Variants in ADGRA2 observed in about 807,000 individuals in gnomAD.
The protein encoded by ADGRA2 is adhesion G protein-coupled receptor A2.
ADGRA2 carries 61 observed loss-of-function variants against 98.7 expected under a neutral mutation model. The observed-to-expected ratio is 0.62, with a 90% CI of 0.50 to 0.76. The LOEUF is 0.76. ADGRA2 is among the 30% of genes least tolerant of loss of function. ADGRA2 has a pLI of 0.00. For missense variants in ADGRA2, 1,712 were observed against 1,860.0 expected, an observed-to-expected ratio of 0.92 and a Z score of 1.46; for synonymous variants, 858 against 831.5, an observed-to-expected ratio of 1.03 and a Z score of -0.55.
rs369112331 is a variant in ADGRA2, at chr8:37,815,494, T to C, written c.338+527T>C. Reference sequence around the variant, plus strand: ...GGCAGTGGCAGCCTTCAGGCTGGCCTTGGCCCTGAGGCTGCCAGCCAGGTC... The same window carrying C: ...GGCAGTGGCAGCCTTCAGGCTGGCCCTGGCCCTGAGGCTGCCAGCCAGGTC... On this transcript the variant is annotated intron_variant, in intron 2 of 18. Coordinates refer to ENST00000412232, the MANE Select transcript of ADGRA2 (RefSeq NM_032777.10). 1.9e-4 allele frequency among the ~76,000 whole-genome samples: 29 copies of C among 152,320 alleles called. No individual in the cohort carries two copies. The East Asian group carries it at 4.5e-3, about 23-fold the overall frequency.
At position 37,817,775 on chromosome 8, in the gene ADGRA2, G is replaced by A. The variant is rs147821033; in HGVS notation, c.338+2808G>A. On this transcript the variant is annotated intron_variant, in intron 2 of 18. Coordinates refer to ENST00000412232, the MANE Select transcript of ADGRA2 (RefSeq NM_032777.10). ...CTCACGCCTGTAATTCCAGCACTTT[G>A]GGAGGCCATGGCTGGCGGATCACCT... 1.6e-4 allele frequency among the ~76,000 whole-genome samples: 24 copies of A among 152,304 alleles called. 2 individuals are homozygous for A. The East Asian group carries it at 4.6e-3, about 29-fold the overall frequency.
At position 37,830,106 on chromosome 8, in the gene ADGRA2, G is replaced by C; in HGVS notation, c.718+92G>C. ...CACGAGCCTCCCCTCAGACCCACAG[G>C]TTTTTACCTTTGTATTGCAATTTGC... On this transcript the variant is annotated intron_variant, in intron 6 of 18. Coordinates refer to ENST00000412232, the MANE Select transcript of ADGRA2 (RefSeq NM_032777.10). The surrounding 1 kb of genome is among the most constrained non-coding windows in gnomAD (Gnocchi z 4.8). The C allele has an allele frequency of 1.2e-6, 1 of 824,284 alleles. No individual in the cohort carries two copies. Among genetic ancestry groups the C allele is most frequent in the Non-Finnish European group, 1.8e-6 (1 of 552,350 alleles). The allele number at this position is 824,284 out of a possible 1,614,324, so 51.1% of individuals were successfully genotyped here.
Position 37,814,557 on chromosome 8 carries a change from A to C in ADGRA2, c.267-339A>C, listed in dbSNP as rs981313708. Among the ~76,000 whole-genome samples, 1 of 152,236 alleles carries C rather than the reference A, an allele frequency of 6.6e-6. No individual in the cohort carries two copies. Among genetic ancestry groups the C allele is most frequent in the African/African-American group, 2.4e-5 (1 of 41,464 alleles). On this transcript the variant is annotated intron_variant, in intron 1 of 18. Coordinates refer to ENST00000412232, the MANE Select transcript of ADGRA2 (RefSeq NM_032777.10). This position sits in a 1 kb window ranked among gnomAD's most constrained non-coding sequence, Gnocchi z 4.3. ...CAAGGATGGAACTGTGAAGGGCATC[A>C]TGAGGGGGCACTGAGGGTCAGCCCT...
At chr8:37,813,622 C>T (rs7813990) in intron 1 of ADGRA2, among the ~76,000 whole-genome samples, 33,475 of 151,992 alleles carry the variant, frequency 0.22, 3,990 homozygotes, top group Middle Eastern at 0.36. Flanking sequence ...AGGGACTGGA[C>T]GGGTGGGAGG....
At chr8:37,826,704 G>A (rs73595001) in intron 2 of ADGRA2, among the ~76,000 whole-genome samples, 5,825 of 152,220 alleles carry the variant, frequency 0.038, 368 homozygotes, top group African/African-American at 0.13. Context: ...GTACCTCCCC[G>A]TCCTGAACAC....
intron 1 of ADGRA2, among the ~76,000 whole-genome samples, chr8:37,804,587 G>C (rs1804606508): frequency 6.6e-6 from 1 of 152,218 alleles, no homozygotes. Context: ...AAAACTGTTG[G>C]AACACCTAGC....
intron 2 of ADGRA2, among the ~76,000 whole-genome samples, chr8:37,822,290 G>A (rs1176430751): frequency 4.6e-5 from 7 of 151,868 alleles, no homozygotes; most frequent in East Asian, 1.9e-4. Flanking sequence ...TGTGGCCTCC[G>A]AACCTATAAT....
intron 1 of ADGRA2, among the ~76,000 whole-genome samples, chr8:37,805,672 A>C (rs952133764): frequency 6.6e-6 from 1 of 151,960 alleles, no homozygotes; most frequent in Admixed American, 6.6e-5. Flanking sequence ...GTTCGAGACC[A>C]TCCTGGCTAA....
chr8:37,832,576 T>C (rs533864761), intron 8 of ADGRA2, among the ~76,000 whole-genome samples: 2 of 152,340 alleles, frequency 1.3e-5, no homozygotes, highest in East Asian at 3.9e-4. Flanking sequence ...GCTCAAGCAC[T>C]GTGCCTGGCC....
rs753593238 is a variant in ADGRA2, at chr8:37,842,181, G to A, written c.3843G>A (p.Lys1281=). The A allele has an allele frequency of 3.9e-6, 6 of 1,537,650 alleles. No individual in the cohort carries two copies. In the Admixed American group the frequency reaches 1.2e-4, roughly 31 times the overall value. The change falls in exon 19 of 19, where the codon AAG becomes AAA. Residue 1281 remains lysine, a synonymous_variant. Coordinates refer to ENST00000412232, the MANE Select transcript of ADGRA2 (RefSeq NM_032777.10). Reference sequence around the variant, plus strand: ...GCAGCGCCAGCCGCGACAGTCTCAAGGGCGGCGGCGCGCTGGAGAAGGAGA... The same window carrying A: ...GCAGCGCCAGCCGCGACAGTCTCAAAGGCGGCGGCGCGCTGGAGAAGGAGA... ...QRRSASRDSL[K]GGGALEKESH...
At chr8:37,824,178 T>C (rs969078172) in intron 2 of ADGRA2, among the ~76,000 whole-genome samples, 1 of 152,050 alleles carries the variant, frequency 6.6e-6, no homozygotes, top group South Asian at 2.1e-4. Context: ...ATTACAGGCA[T>C]GCGCCACCAC....
At chr8:37,816,947 C>CA (rs1804999257) in intron 2 of ADGRA2, among the ~76,000 whole-genome samples, 1 of 97,716 alleles carries the variant, frequency 1.0e-5, no homozygotes, top group Non-Finnish European at 2.7e-5. Flanking sequence ...CACACACACA[C>CA]ACACACACAC....
intron 2 of ADGRA2, among the ~76,000 whole-genome samples, chr8:37,817,808 G>A (rs946198490): frequency 6.6e-6 from 1 of 152,210 alleles, no homozygotes; most frequent in African/African-American, 2.4e-5. Flanking sequence ...CCTGAGGTTA[G>A]GAGTTCGAGA....
rs1805835302 is a variant in ADGRA2, at chr8:37,842,398, G to C, written c.*43G>C. Reference sequence around the variant, plus strand: ...GGTAGACGGGCTGGCCACGCGGCTCGTTCCCCCGCTCCTCGGGGCCCTCCA... The same window carrying C: ...GGTAGACGGGCTGGCCACGCGGCTCCTTCCCCCGCTCCTCGGGGCCCTCCA... On this transcript the variant is annotated 3_prime_UTR_variant, in exon 19 of 19. Coordinates refer to ENST00000412232, the MANE Select transcript of ADGRA2 (RefSeq NM_032777.10). 1 of 1,429,082 alleles carries C rather than the reference G, an allele frequency of 7.0e-7. No homozygotes were observed. The highest frequency in any genetic ancestry group is 9.1e-7 in the Non-Finnish European group (1 of 1,092,908). The allele number at this position is 1,429,082 out of a possible 1,614,324, so 88.5% of individuals were successfully genotyped here.
chr8:37,828,571 C>G (rs1005781995), intron 2 of ADGRA2, among the ~76,000 whole-genome samples: 2 of 149,262 alleles, frequency 1.3e-5, no homozygotes, highest in African/African-American at 4.9e-5. Context: ...CCTGCAGCCT[C>G]CGCCTCCCGG....
At chr8:37,804,135 A>ACACACACACACG (rs1804592704) in intron 1 of ADGRA2, among the ~76,000 whole-genome samples, 1 of 151,026 alleles carries the variant, frequency 6.6e-6, no homozygotes, top group Non-Finnish European at 1.5e-5. Context: ...ACACACACAC[A>ACACACACACACG]CACACACACA....
rs762298535 is a variant in ADGRA2 at position 37,841,913 on chromosome 8, C to T, written c.3575C>T (p.Ala1192Val). Reference sequence around the variant, plus strand: ...AAGAGCCGGGCCAAGGGACACCGCGCGGGGGAGGCCTGCGGCAAGAACCGG... The same window carrying T: ...AAGAGCCGGGCCAAGGGACACCGCGTGGGGGAGGCCTGCGGCAAGAACCGG... The part of the protein sequence containing the change: ...AHKSRAKGHR[A>V]GEACGKNRLK... Residue 1192 changes from alanine to valine, a missense_variant, in exon 19 of 19, where the codon GCG becomes GTG. By Grantham distance (64) the Ala-to-Val change is moderately conservative. Coordinates refer to ENST00000412232, the MANE Select transcript of ADGRA2 (RefSeq NM_032777.10). This position sits in a 1 kb window ranked among gnomAD's most constrained non-coding sequence, Gnocchi z 5.0. 2.6e-6 allele frequency: 4 copies of T among 1,526,418 alleles called. No individual in the cohort carries two copies. Among genetic ancestry groups the T allele is most frequent in the South Asian group, 2.4e-5 (2 of 83,260 alleles). 94.6% of individuals were successfully genotyped at this position (1,526,418 alleles called of 1,614,324 possible).
At position 37,842,714 on chromosome 8, in the gene ADGRA2, G is replaced by C. The variant is rs1805846783; in HGVS notation, c.*359G>C. 4.6e-6 allele frequency: 1 copy of C among 217,440 alleles called. No homozygotes were observed. Among genetic ancestry groups the C allele is most frequent in the Admixed American group, 5.8e-5 (1 of 17,130 alleles). 13.5% of individuals were successfully genotyped at this position (217,440 alleles called of 1,614,324 possible). On this transcript the variant is annotated 3_prime_UTR_variant, in exon 19 of 19. Coordinates refer to ENST00000412232, the MANE Select transcript of ADGRA2 (RefSeq NM_032777.10). The stretch of plus-strand genomic sequence containing the variant: ...CATGCGGCCTCACTGGGGGCCATCA[G>C]CCTCACCAGCAAAGCAGAGATGAGA...
chr8:37,844,180 G>A lies in ADGRA2; in HGVS notation c.*1825G>A, dbSNP rs1805902594. ...CCTGCAGGAGGAGCCGCAGCAGTGTGTCCAATTCAAACCAGCAGCAAAGAG... is the reference window on the plus strand; with the variant it reads ...CCTGCAGGAGGAGCCGCAGCAGTGTATCCAATTCAAACCAGCAGCAAAGAG... On this transcript the variant is annotated 3_prime_UTR_variant, in exon 19 of 19. Coordinates refer to ENST00000412232, the MANE Select transcript of ADGRA2 (RefSeq NM_032777.10). 2.8e-6 allele frequency: 1 copy of A among 355,308 alleles called. No homozygotes were observed. Among genetic ancestry groups the A allele is most frequent in the Admixed American group, 4.1e-5 (1 of 24,406 alleles). The allele number at this position is 355,308 out of a possible 1,614,324, so 22.0% of individuals were successfully genotyped here.
Sources: gnomAD v4.1 joint callset for allele counts (sites outside exome capture counted in the v4.1 genomes callset) on GRCh38, gnomAD v4.1.1 for gene constraint, Gnocchi (gnomAD v3.1) non-coding constraint, MANE v1.5 for transcripts, NCBI Gene and HGNC (gene_info 2026-07-23, HGNC 2026-07-21) for gene names.